The following PRKCA variants were observed in gnomAD, a reference collection of about 807,000 sequenced individuals.
The protein encoded by PRKCA is protein kinase C alpha type.
Under a neutral mutation model 87.0 loss-of-function variants are expected in PRKCA, and 27 were observed. That is an observed-to-expected ratio of 0.31 (90% confidence interval 0.23 to 0.43). PRKCA has a LOEUF of 0.43. Among genes scored for constraint, PRKCA ranks in the 20% least tolerant of loss-of-function variants. PRKCA has a pLI of 1.00. For synonymous variants in PRKCA, 329 were observed against 311.1 expected, an observed-to-expected ratio of 1.06 and a Z score of -0.61; for missense variants, 518 against 852.3, an observed-to-expected ratio of 0.61 and a Z score of 4.88.
chr17:66,749,461 G>A (rs541370320), intron 13 of PRKCA, among the ~76,000 whole-genome samples: 39 of 152,274 alleles, frequency 2.6e-4, no homozygotes, highest in African/African-American at 7.7e-4. Context: ...CTGCCCTGGT[G>A]ACCCTATTTG....
chr17:66,405,114 A>C (rs181833810), intron 2 of PRKCA, among the ~76,000 whole-genome samples: 1 of 151,896 alleles, frequency 6.6e-6, no homozygotes, highest in African/African-American at 2.4e-5. Flanking sequence ...GCCCGCCCCT[A>C]TCTCTCCCAT....
intron 8 of PRKCA, among the ~76,000 whole-genome samples, chr17:66,697,298 T>C (rs1050701093): frequency 9.9e-5 from 15 of 152,230 alleles, no homozygotes; most frequent in African/African-American, 3.6e-4. Flanking sequence ...AGTGGTGGAA[T>C]AGGAGCTTTC....
chr17:66,314,321 C>T (rs1254931007), intron 2 of PRKCA, among the ~76,000 whole-genome samples: 1 of 152,168 alleles, frequency 6.6e-6, no homozygotes, highest in Non-Finnish European at 1.5e-5. Context: ...ACTGTGAAAT[C>T]TCATGCTAAA....
intron 2 of PRKCA, among the ~76,000 whole-genome samples, chr17:66,307,956 T>C (rs1904908020): frequency 6.6e-6 from 1 of 152,174 alleles, no homozygotes; most frequent in Non-Finnish European, 1.5e-5. Context: ...TTATACGACT[T>C]TGCAACTTGC....
At chr17:66,720,855 G>A (rs993718525) in intron 8 of PRKCA, among the ~76,000 whole-genome samples, 1 of 152,118 alleles carries the variant, frequency 6.6e-6, no homozygotes, top group Admixed American at 6.5e-5. Flanking sequence ...CTCTCCACAC[G>A]TTGCAACTGT....
intron 13 of PRKCA, among the ~76,000 whole-genome samples, chr17:66,770,472 C>T (rs184830657): frequency 5.8e-4 from 88 of 152,228 alleles, no homozygotes; most frequent in Non-Finnish European, 4.4e-5. Context: ...AAAAAACAAA[C>T]GGAAACAGAA....
At chr17:66,698,872 C>T (rs748127259) in intron 8 of PRKCA, among the ~76,000 whole-genome samples, 1 of 149,250 alleles carries the variant, frequency 6.7e-6, no homozygotes, top group Non-Finnish European at 1.5e-5. Flanking sequence ...TGCCAGTACT[C>T]GGGAGGCTGA....
chr17:66,544,979 G>A (rs1183954513), intron 3 of PRKCA, among the ~76,000 whole-genome samples: 4 of 152,158 alleles, frequency 2.6e-5, no homozygotes, highest in African/African-American at 7.2e-5. Context: ...TACAGATCAC[G>A]AAATGATAAG....
At chr17:66,742,837 A>G in intron 13 of PRKCA, 77 bp downstream of exon 13, 1 of 1,511,594 alleles carries the variant, frequency 6.6e-7, no homozygotes. Context: ...TTATAGGGTC[A>G]CTGGCGAATC....
intron 2 of PRKCA, among the ~76,000 whole-genome samples, chr17:66,423,562 C>A (rs977224585): frequency 6.6e-6 from 1 of 152,174 alleles, no homozygotes; most frequent in African/African-American, 2.4e-5. Flanking sequence ...AGAAGAAAGT[C>A]CCCTAGGGAA....
chr17:66,790,124 G>A (rs1975495079), intron 16 of PRKCA, among the ~76,000 whole-genome samples: 1 of 152,232 alleles, frequency 6.6e-6, no homozygotes, highest in Non-Finnish European at 1.5e-5. Flanking sequence ...GAGCAGGCCA[G>A]GGGACCCACC....
chr17:66,640,741 A>G (rs1458689974), intron 3 of PRKCA, among the ~76,000 whole-genome samples: 1 of 152,232 alleles, frequency 6.6e-6, no homozygotes, highest in East Asian at 1.9e-4. Context: ...CAAGTTGTTT[A>G]AAACACTGTG....
At chr17:66,580,220 T>G (rs1463778322) in intron 3 of PRKCA, among the ~76,000 whole-genome samples, 1 of 152,252 alleles carries the variant, frequency 6.6e-6, no homozygotes, top group Admixed American at 6.5e-5. Context: ...TGGTCTGTTA[T>G]TCAAGCTAAA....
intron 3 of PRKCA, among the ~76,000 whole-genome samples, chr17:66,617,097 T>G (rs937422118): frequency 2.0e-5 from 3 of 152,166 alleles, no homozygotes; most frequent in Non-Finnish European, 2.9e-5. Context: ...CAATATGTCA[T>G]TCTCAATCTT....
At chr17:66,741,987 C>T (rs1974167481) in intron 12 of PRKCA, among the ~76,000 whole-genome samples, 1 of 152,160 alleles carries the variant, frequency 6.6e-6, no homozygotes. Context: ...CCTTCCACTG[C>T]CTTTTCTTTG....
rs577816195 is a variant in PRKCA, at chr17:66,588,037, A to G, written c.289-53318A>G. Among the ~76,000 whole-genome samples, 9 of 151,536 alleles carry G rather than the reference A, an allele frequency of 5.9e-5. No individual in the cohort carries two copies. In the East Asian group the frequency reaches 1.8e-3, roughly 30 times the overall value. On this transcript the variant is annotated intron_variant, in intron 3 of 16. Coordinates refer to ENST00000413366, the MANE Select transcript of PRKCA (RefSeq NM_002737.3). ...AGTCATATGTATCTTTAACTTTACT[A>G]GCTTTGGCAACTTGCTCTGCAAAGT...
intron 16 of PRKCA, among the ~76,000 whole-genome samples, chr17:66,800,425 C>T (rs1223118540): frequency 2.0e-5 from 3 of 152,098 alleles, no homozygotes; most frequent in South Asian, 2.1e-4. Context: ...GGATTTTTGC[C>T]CCATTTTATC....
At chr17:66,798,413 A>ATGGTGG (rs1402216443) in intron 16 of PRKCA, among the ~76,000 whole-genome samples, 1 of 51,766 alleles carries the variant, frequency 1.9e-5, no homozygotes, top group Non-Finnish European at 3.7e-5. Context: ...GGTGATGGTG[A>ATGGTGG]TGGTGGTGGT....
chr17:66,645,998 G>A (rs1444202730), intron 5 of PRKCA, among the ~76,000 whole-genome samples: 2 of 152,206 alleles, frequency 1.3e-5, no homozygotes, highest in Non-Finnish European at 2.9e-5. Flanking sequence ...ATGGTGCTAG[G>A]AACTTCACAT....
Sources: gnomAD v4.1 joint callset for allele counts (sites outside exome capture counted in the v4.1 genomes callset) on GRCh38, gnomAD v4.1.1 for gene constraint, MANE v1.5 for transcripts, NCBI Gene and HGNC (gene_info 2026-07-23, HGNC 2026-07-21) for gene names.